FOCAD: variants seen among roughly 807,000 people sequenced by gnomAD.
FOCAD encodes KIAA1797.
A neutral mutation model predicts 225.6 loss-of-function variants in FOCAD; 198 were observed. The observed-to-expected ratio is 0.88, with a 90% CI of 0.78 to 0.99. The LOEUF (loss-of-function observed/expected upper bound fraction) is 0.99, where lower values mean the gene tolerates loss of function less well. FOCAD is among the 50% of genes least tolerant of loss of function. FOCAD has a pLI of 0.00. For missense variants in FOCAD, 2,713 were observed against 2,123.6 expected (o/e 1.28, Z -5.46); for synonymous variants, 897 against 755.0 (o/e 1.19, Z -3.08).
rs369182723 is a variant in FOCAD, at chr9:20,912,967, G to C, written c.2807+13G>C. 22 of 1,604,036 alleles carry C rather than the reference G, an allele frequency of 1.4e-5. No homozygotes were observed. The highest frequency in any genetic ancestry group is 1.8e-5 in the Non-Finnish European group (21 of 1,172,094). On this transcript the variant is annotated intron_variant, in intron 23 of 43. Coordinates refer to ENST00000338382, the MANE Select transcript of FOCAD (RefSeq NM_001375567.1). ...CAGCCTGGCTCTGGTAAGTGTTCAT[G>C]TTCAGCTGCCCATTATTTGTCATGG... is the stretch of plus-strand genomic sequence containing the variant.
intron 29 of FOCAD, among the ~76,000 whole-genome samples, chr9:20,945,727 C>T (rs1214071237): frequency 6.6e-6 from 1 of 152,072 alleles, no homozygotes; most frequent in African/African-American, 2.4e-5. Context: ...ATAACTGATG[C>T]ATCTGTAATG....
At chr9:20,946,235 TCTC>T (rs1431948710) in intron 29 of FOCAD, among the ~76,000 whole-genome samples, 5 of 152,178 alleles carry the variant, frequency 3.3e-5, no homozygotes, top group African/African-American at 2.4e-5. Context: ...CTCCACTACT[TCTC>T]CTAGGGAATC....
At chr9:20,783,622 C>G (rs1819625329) in intron 10 of FOCAD, among the ~76,000 whole-genome samples, 1 of 151,134 alleles carries the variant, frequency 6.6e-6, no homozygotes, top group Non-Finnish European at 1.5e-5. Context: ...ACTCTGCCAC[C>G]TAGGCTGGAG....
intron 15 of FOCAD, among the ~76,000 whole-genome samples, chr9:20,845,544 T>A (rs186917141): frequency 6.6e-6 from 1 of 151,106 alleles, no homozygotes. Context: ...TATTAGATTG[T>A]TTCCAATTTT....
chr9:20,771,738 C>G (rs201710155), intron 8 of FOCAD, among the ~76,000 whole-genome samples: 5 of 152,286 alleles, frequency 3.3e-5, no homozygotes, highest in South Asian at 2.1e-4. Flanking sequence ...CTGGGCGACA[C>G]AGCAGGACTT....
intron 8 of FOCAD, among the ~76,000 whole-genome samples, chr9:20,777,009 A>G (rs10811400): frequency 0.84 from 127,675 of 152,168 alleles, 53,686 homozygotes; most frequent in Admixed American, 0.9. Context: ...TTTCAAAACA[A>G]TGAACACATA....
intron 2 of FOCAD, among the ~76,000 whole-genome samples, chr9:20,679,239 T>C (rs1313218401): frequency 6.6e-6 from 1 of 151,732 alleles, no homozygotes; most frequent in Non-Finnish European, 1.5e-5. Flanking sequence ...TTGTAAGAAC[T>C]TTCGCTTTTA....
At position 20,770,248 on chromosome 9, in the gene FOCAD, G is replaced by C; in HGVS notation, c.906+10G>C. The C allele has an allele frequency of 6.2e-7, 1 of 1,607,950 alleles. No individual in the cohort carries two copies. Among genetic ancestry groups the C allele is most frequent in the South Asian group, 1.1e-5 (1 of 90,886 alleles). On this transcript the variant is annotated intron_variant, in intron 8 of 43. Coordinates refer to ENST00000338382, the MANE Select transcript of FOCAD (RefSeq NM_001375567.1). The stretch of plus-strand genomic sequence containing the variant: ...TGAACTTCTGAAGGAGGTAAGGATA[G>C]TAGTATATTATACTGTTCATGCATT...
chr9:20,658,225 C>A (rs1821576541), upstream of FOCAD: 1 of 153,192 alleles, frequency 6.5e-6, no homozygotes, highest in South Asian at 2.1e-4. Context: ...TTACTGCTGT[C>A]TTTTTGTTTG....
chr9:20,842,423 G>A lies in FOCAD; in HGVS notation c.1920+19308G>A, dbSNP rs1487257294. Among the ~76,000 whole-genome samples, 4 of 152,034 alleles carry A rather than the reference G, an allele frequency of 2.6e-5. No individual in the cohort carries two copies. In the East Asian group the frequency reaches 7.7e-4, roughly 29 times the overall value. ...TCTGCCTTTATATCTGGGTATGCCA[G>A]TGTTGGGTACATATATATGTATAGT... is the stretch of plus-strand genomic sequence containing the variant. On this transcript the variant is annotated intron_variant, in intron 15 of 43. Coordinates refer to ENST00000338382, the MANE Select transcript of FOCAD (RefSeq NM_001375567.1).
intron 6 of FOCAD, among the ~76,000 whole-genome samples, chr9:20,762,749 G>A (rs571016633): frequency 2.6e-4 from 40 of 152,220 alleles, no homozygotes; most frequent in African/African-American, 8.7e-4. Context: ...GCTGAGGTTT[G>A]GCCTTTTATT....
At chr9:20,841,570 C>T (rs906385695) in intron 15 of FOCAD, among the ~76,000 whole-genome samples, 2 of 151,798 alleles carry the variant, frequency 1.3e-5, no homozygotes, top group Admixed American at 6.6e-5. Context: ...GTAGCCTCTA[C>T]TGATACTTTG....
chr9:20,880,533 T>C (rs1227391173), intron 19 of FOCAD, among the ~76,000 whole-genome samples: 1 of 152,192 alleles, frequency 6.6e-6, no homozygotes, highest in Non-Finnish European at 1.5e-5. Flanking sequence ...CTTTAAAGAC[T>C]GTTTTTCCAG....
intron 15 of FOCAD, among the ~76,000 whole-genome samples, chr9:20,843,162 A>G (rs1031848899): frequency 1.3e-5 from 2 of 151,994 alleles, no homozygotes; most frequent in Admixed American, 1.3e-4. Context: ...CAATATTATA[A>G]TGTTCTGTAT....
At chr9:20,924,450 C>G (rs749672994) in intron 25 of FOCAD, among the ~76,000 whole-genome samples, 7 of 152,190 alleles carry the variant, frequency 4.6e-5, no homozygotes, top group Non-Finnish European at 8.8e-5. Context: ...TCTTTCAGAA[C>G]CTATTTCTCC....
At position 20,715,304 on chromosome 9, in the gene FOCAD, CTTTTG is replaced by C. The variant is rs1407108709; in HGVS notation, c.-32-12_-32-8del. ...ACCAGTTGGAAGACTAACAAATATT[CTTTTG>C]TTTTGGTTACAGAAGCTGCACACAT... On this transcript the variant is annotated splice_polypyrimidine_tract_variant and intron_variant, in intron 1 of 43. Coordinates refer to ENST00000338382, the MANE Select transcript of FOCAD (RefSeq NM_001375567.1). 2 of 1,254,566 alleles carry C rather than the reference CTTTTG, an allele frequency of 1.6e-6. No homozygotes were observed. The highest frequency in any genetic ancestry group is 2.2e-6 in the Non-Finnish European group (2 of 923,516). The allele number at this position is 1,254,566 out of a possible 1,614,324, so 77.7% of individuals were successfully genotyped here. A position where few individuals can be genotyped will look rare whatever the true frequency, so the allele number is the denominator to read the frequency against.
In FOCAD at chr9:20,659,450, G is replaced by GACAA. The variant is rs1821645210; in HGVS notation, c.-78+627_-78+628insAACA. 2.0e-5 allele frequency among the ~76,000 whole-genome samples: 3 copies of GACAA among 148,524 alleles called. No homozygotes were observed. The South Asian group carries it at 6.4e-4, about 32-fold the overall frequency. ...AGAAAGAAAGAAAGAAAGACAGACAGACAGAAAGAAAAAGAGGTGATTAAG... is the reference window on the plus strand; with the variant it reads ...AGAAAGAAAGAAAGAAAGACAGACAGACAAACAGAAAGAAAAAGAGGTGATTAAG... On this transcript the variant is annotated intron_variant, in intron 2 of 45. Coordinates refer to the FOCAD transcript ENST00000380249.
Position 20,986,410 on chromosome 9 carries a change from C to G in FOCAD, c.4851C>G (p.Ala1617=). 6.2e-7 allele frequency: 1 copy of G among 1,613,046 alleles called. No homozygotes were observed. The highest frequency in any genetic ancestry group is 2.2e-5 in the East Asian group (1 of 44,790). The change falls in exon 40 of 44, where the codon GCC becomes GCG. Residue 1617 remains alanine, a synonymous_variant. Coordinates refer to ENST00000338382, the MANE Select transcript of FOCAD (RefSeq NM_001375567.1). ...AGCACCGTGAGAAAGAGGTGTTGGC[C>G]TGGATGATTCTGCACAGCTTATACC... ...AVQHREKEVL[A]WMILHSLYQA...
intron 15 of FOCAD, among the ~76,000 whole-genome samples, chr9:20,854,371 C>T (rs1237402367): frequency 6.6e-6 from 1 of 151,676 alleles, no homozygotes; most frequent in Non-Finnish European, 1.5e-5. Context: ...CAGTTGTCTC[C>T]ATATGGGCTT....
Sources: allele counts gnomAD v4.1 joint callset (sites outside exome capture counted in the v4.1 genomes callset), GRCh38; gene constraint gnomAD v4.1.1; transcripts MANE v1.5; gene names NCBI Gene and HGNC (gene_info 2026-07-23, HGNC 2026-07-21).